The following ARHGAP28 variants were observed in gnomAD, a reference collection of about 807,000 sequenced individuals.
ARHGAP28 encodes Rho GTPase activating protein 28.
Under a neutral mutation model 90.7 loss-of-function variants are expected in ARHGAP28, and 56 were observed. That is an observed-to-expected ratio of 0.62 (90% CI 0.50 to 0.77). The LOEUF (loss-of-function observed/expected upper bound fraction) is 0.77. ARHGAP28 is among the 30% of genes least tolerant of loss of function. The pLI is 0.00. For synonymous variants in ARHGAP28, 308 were observed against 323.3 expected (o/e 0.95, Z 0.51); for missense variants, 869 against 900.9 (o/e 0.96, Z 0.45).
At chr18:6,908,815 A>G in intron 16 of ARHGAP28, 145 bp from the exon 17 acceptor site, 2 of 618,618 alleles carry the variant, frequency 3.2e-6, no homozygotes, top group Non-Finnish European at 5.8e-6. Context: ...AATTATTTTT[A>G]TCATAACTTC....
chr18:6,781,034 C>T (rs752295642), intron 1 of ARHGAP28, among the ~76,000 whole-genome samples: 2 of 152,202 alleles, frequency 1.3e-5, no homozygotes, highest in Non-Finnish European at 2.9e-5. Context: ...AGAAAAGCTC[C>T]ATCTAGTCAC....
intron 10 of ARHGAP28, among the ~76,000 whole-genome samples, chr18:6,877,153 C>G (rs1600276567): frequency 6.6e-6 from 1 of 152,174 alleles, no homozygotes; most frequent in Non-Finnish European, 1.5e-5. Flanking sequence ...TTGGGAAATT[C>G]TATTTGTATC....
chr18:6,805,878 A>G (rs969587598), intron 1 of ARHGAP28, among the ~76,000 whole-genome samples: 8 of 150,116 alleles, frequency 5.3e-5, no homozygotes, highest in African/African-American at 2.0e-4. Context: ...TTTGCTTTAT[A>G]TTTTTCCTTT....
chr18:6,836,581 T>C (rs1277697006), intron 2 of ARHGAP28, among the ~76,000 whole-genome samples: 2 of 152,130 alleles, frequency 1.3e-5, no homozygotes, highest in African/African-American at 4.8e-5. Context: ...ATAAGGCAGA[T>C]ACCTGGATCT....
At chr18:6,858,582 C>A (rs903494156) in intron 4 of ARHGAP28, among the ~76,000 whole-genome samples, 1 of 149,506 alleles carries the variant, frequency 6.7e-6, no homozygotes, top group East Asian at 2.0e-4. Flanking sequence ...TTGCTCTTGT[C>A]GCCCAGTTTG....
chr18:6,849,989 T>C (rs1452451630), intron 3 of ARHGAP28, among the ~76,000 whole-genome samples: 1 of 152,148 alleles, frequency 6.6e-6, no homozygotes. Flanking sequence ...TCTTAAATTG[T>C]CACTTATTTT....
In ARHGAP28 at chr18:6,886,995, T is replaced by C. The variant is rs563573926; in HGVS notation, c.1454-162T>C. Among the ~76,000 whole-genome samples, 218 of 152,256 alleles carry C rather than the reference T, an allele frequency of 1.4e-3. 1 individual carries two copies. The highest frequency in any genetic ancestry group is 3.4e-3 in the Middle Eastern group (1 of 294). On this transcript the variant is annotated intron_variant, in intron 11 of 17. Transcript: ENST00000383472. ...GAAAAGGGAGTTGATGGACAGAGGC[T>C]CCTGTCCAAGTGAACAAATTTACAT...
At chr18:6,847,630 G>GGTGTGTGTGT (rs60063372) in intron 3 of ARHGAP28, among the ~76,000 whole-genome samples, 35 of 150,398 alleles carry the variant, frequency 2.3e-4, no homozygotes, top group African/African-American at 8.0e-4. Context: ...AGAGAGTGGG[G>GGTGTGTGTGT]GTGTGTGTGT....
At position 6,909,035 on chromosome 18, in the gene ARHGAP28, T is replaced by C. The variant is rs373917095; in HGVS notation, c.2095+11T>C. On this transcript the variant is annotated intron_variant, in intron 17 of 17. Coordinates refer to ENST00000383472, the MANE Select transcript of ARHGAP28 (RefSeq NM_001366230.1). ...TTGGAGGAAATATAGGTAAGCATAC[T>C]GTAATAATTTCTACTGCTAAATTCT... The C allele has an allele frequency of 1.7e-5, 24 of 1,387,414 alleles. No homozygotes were observed. In the African/African-American group the frequency reaches 3.3e-4, roughly 19 times the overall value. The allele number at this position is 1,387,414 out of a possible 1,614,324, so 85.9% of individuals were successfully genotyped here. A position where few individuals can be genotyped will look rare whatever the true frequency, so the allele number is the denominator to read the frequency against.
chr18:6,901,277 A>G (rs958209488), intron 16 of ARHGAP28, among the ~76,000 whole-genome samples: 3 of 152,192 alleles, frequency 2.0e-5, no homozygotes, highest in Non-Finnish European at 4.4e-5. Flanking sequence ...TTGATGAGAG[A>G]AGCAAAAATT....
chr18:6,737,899 T>C (rs1269992155), intron 1 of ARHGAP28, among the ~76,000 whole-genome samples: 1 of 152,212 alleles, frequency 6.6e-6, no homozygotes, highest in Non-Finnish European at 1.5e-5. Flanking sequence ...CACTCTTCAA[T>C]GAATGAATAA....
At chr18:6,798,216 G>A (rs903829536) in intron 1 of ARHGAP28, among the ~76,000 whole-genome samples, 3 of 152,042 alleles carry the variant, frequency 2.0e-5, no homozygotes, top group African/African-American at 7.2e-5. Context: ...GTTTTGAGAC[G>A]GAGTTTCTCT....
chr18:6,890,487 A>G lies in ARHGAP28; in HGVS notation c.1792A>G (p.Lys598Glu), dbSNP rs2057256488. 6.2e-7 allele frequency: 1 copy of G among 1,613,754 alleles called. No homozygotes were observed. Reference protein sequence around the residue: ...RRMNEATMLLKKQLPSVRKLL... With the variant: ...RRMNEATMLLEKQLPSVRKLL... The stretch of plus-strand genomic sequence containing the variant: ...AATGAATGAAGCCACGATGCTATTG[A>G]AGAAGCAGCTCCCAAGTGTCAGGAA... The change falls in exon 14 of 18, where the codon AAG becomes GAG. Residue 598 changes from lysine to glutamate, a missense_variant. Transcript: ENST00000383472.
intron 11 of ARHGAP28, 67 bp from the exon 12 acceptor site, chr18:6,887,090 G>T (rs2057227617): frequency 2.1e-6 from 3 of 1,429,978 alleles, no homozygotes; most frequent in Admixed American, 3.4e-5. Context: ...CCAGATGCTA[G>T]CAAGAAATGC....
intron 1 of ARHGAP28, among the ~76,000 whole-genome samples, chr18:6,772,850 C>G (rs958232235): frequency 6.6e-6 from 1 of 152,082 alleles, no homozygotes; most frequent in Non-Finnish European, 1.5e-5. Context: ...AAGCAATTCT[C>G]CTGCCTCAGC....
At chr18:6,863,037 T>C (rs1248117853) in intron 5 of ARHGAP28, among the ~76,000 whole-genome samples, 1 of 152,112 alleles carries the variant, frequency 6.6e-6, no homozygotes, top group East Asian at 1.9e-4. Flanking sequence ...AATTTTTCAT[T>C]TAATTTTATG....
In ARHGAP28 at chr18:6,752,169, C is replaced by T. The variant is rs2056074687; in HGVS notation, c.122+22226C>T. ...ATTTTAGCTCCCTTTACAAATTGGC[C>T]AATGCCCATTCACCCTTGGTAGACT... is the stretch of plus-strand genomic sequence containing the variant. On this transcript the variant is annotated intron_variant, in intron 1 of 17. Transcript: ENST00000383472. Among the ~76,000 whole-genome samples, 5 of 152,244 alleles carry T rather than the reference C, an allele frequency of 3.3e-5. No homozygotes were observed. The South Asian group carries it at 1.0e-3, about 32-fold the overall frequency.
intron 1 of ARHGAP28, among the ~76,000 whole-genome samples, chr18:6,781,969 G>C (rs550096635): frequency 6.6e-6 from 1 of 152,300 alleles, no homozygotes; most frequent in African/African-American, 2.4e-5. Context: ...CTTGGAATAT[G>C]GGTTTAGGGA....
chr18:6,834,812 G>T (rs2056740886), intron 2 of ARHGAP28, among the ~76,000 whole-genome samples: 1 of 152,268 alleles, frequency 6.6e-6, no homozygotes, highest in East Asian at 1.9e-4. Context: ...AGAGGGAGAT[G>T]TCAAGAATGC....
Sources: allele counts gnomAD v4.1 joint callset (sites outside exome capture counted in the v4.1 genomes callset), GRCh38; gene constraint gnomAD v4.1.1; transcripts MANE v1.5; gene names NCBI Gene and HGNC (gene_info 2026-07-23, HGNC 2026-07-21).